The following FAM50A variants were observed in gnomAD, a reference collection of about 807,000 sequenced individuals.
The protein encoded by FAM50A is family with sequence similarity 50 member A, also known as protein FAM50A.
FAM50A carries 6 observed loss-of-function variants against 35.5 expected under a neutral mutation model. The ratio of observed to expected loss-of-function variants is 0.17; its 90% CI spans 0.09 to 0.33. FAM50A has a LOEUF of 0.33. Among genes scored for constraint, FAM50A ranks in the 10% least tolerant of loss-of-function variants. The pLI, the probability that FAM50A is intolerant of heterozygous loss-of-function variation, is 1.00. For missense variants in FAM50A, 145 were observed against 295.5 expected (o/e 0.49, Z 3.73); for synonymous variants, 120 against 110.9 (o/e 1.08, Z -0.52).
chrX:154,450,290 G>A lies in FAM50A; in HGVS notation c.982G>A (p.Asp328Asn). ...IFPASRWEPY[D>N]PEKKWDKYTI... ...TCCCGCCAGCCGCTGGGAACCCTAC[G>A]ACCCTGAAAAGAAGTGGGACAAGTA... The change falls in exon 12 of 13, where the codon GAC becomes AAC. Residue 328 changes from aspartate (D) to asparagine (N), a missense_variant. Asp to Asn is a conservative substitution (Grantham distance 23). Around this residue, in one of 5 missense-constraint regions of FAM50A, gnomAD observed 59 missense variants for 164.5 expected, o/e 0.36. Coordinates refer to ENST00000393600, the MANE Select transcript of FAM50A (RefSeq NM_004699.4). 1 of 1,211,001 alleles carries A rather than the reference G, an allele frequency of 8.3e-7. No individual in the cohort carries two copies. The highest frequency in any genetic ancestry group is 1.1e-6 in the Non-Finnish European group (1 of 894,944).
Position 154,450,578 on chromosome X carries a change from C to T in FAM50A, c.*146C>T. On this transcript the variant is annotated 3_prime_UTR_variant, in exon 13 of 13. Transcript: ENST00000393600. ...AGCTGCTCGTGTCCTGCCCCTGCCACATCAGTGACTGCTTTATTCTTTTCC... is the reference window on the plus strand; with the variant it reads ...AGCTGCTCGTGTCCTGCCCCTGCCATATCAGTGACTGCTTTATTCTTTTCC... 1 of 523,187 alleles carries T rather than the reference C, an allele frequency of 1.9e-6. No individual in the cohort carries two copies. Among genetic ancestry groups the T allele is most frequent in the Non-Finnish European group, 3.2e-6 (1 of 315,399 alleles). The allele number at this position is 523,187 out of a possible 1,213,427, so 43.1% of individuals were successfully genotyped here. A position where few individuals can be genotyped will look rare whatever the true frequency, so the allele number is the denominator to read the frequency against.
Position 154,448,072 on chromosome X carries a change from C to CTTTTTTTTTTTTTTTTTTTTTTTTTTTTT in FAM50A, c.443-398_443-397insTTTTTTTTTTTTTTTTTTTTTTTTTTTTT, listed in dbSNP as rs781847663. Among the ~76,000 whole-genome samples, 14 of 82,852 alleles carry CTTTTTTTTTTTTTTTTTTTTTTTTTTTTT rather than the reference C, an allele frequency of 1.7e-4. 2 individuals carry two copies. Among genetic ancestry groups the CTTTTTTTTTTTTTTTTTTTTTTTTTTTTT allele is most frequent in the African/African-American group, 6.1e-4 (11 of 18,022 alleles). The allele number at this position is 82,852 out of a possible 115,157, so 71.9% of individuals were successfully genotyped here. A position where few individuals can be genotyped will look rare whatever the true frequency, so the allele number is the denominator to read the frequency against. ...TGTTGTTCTTTTCTTTTTTTTCTTT[C>CTTTTTTTTTTTTTTTTTTTTTTTTTTTTT]TTTTTTTTTTTTTTGAGATGAGGTC... On this transcript the variant is annotated intron_variant, in intron 4 of 12. Coordinates refer to ENST00000393600, the MANE Select transcript of FAM50A (RefSeq NM_004699.4).
At position 154,446,521 on chromosome X, in the gene FAM50A, G is replaced by A; in HGVS notation, c.403G>A (p.Glu135Lys). The A allele has an allele frequency of 8.4e-7, 1 of 1,192,757 alleles. No individual in the cohort carries two copies. Among genetic ancestry groups the A allele is most frequent in the Non-Finnish European group, 1.1e-6 (1 of 882,363 alleles). Residue 135 changes from glutamate to lysine, a missense_variant, in exon 4 of 13, where the codon GAG becomes AAG. Coordinates refer to ENST00000393600, the MANE Select transcript of FAM50A (RefSeq NM_004699.4). ...EEEEEGGEEEEEAAMYEEEME... is the reference protein window; with the variant it reads ...EEEEEGGEEEKEAAMYEEEME... ...GGAAGAAGAGGGAGGCGAGGAGGAA[G>A]AGGAGGCGGCCATGTATGAGGAGGA... is the stretch of plus-strand genomic sequence containing the variant.
intron 7 of FAM50A, 133 bp from the exon 8 acceptor site, chrX:154,449,088 T>G: frequency 1.1e-6 from 1 of 881,806 alleles, no homozygotes; most frequent in Non-Finnish European, 1.6e-6. Context: ...CCTGGCCCCC[T>G]GTCTGGGGAG....
At chrX:154,449,162 T>C in intron 7 of FAM50A, 59 bp from the exon 8 acceptor site, 1 of 1,064,385 alleles carries the variant, frequency 9.4e-7, no homozygotes. Flanking sequence ...TCTGCCTTGT[T>C]GAGAGCCCTT....
Position 154,444,188 on chromosome X carries a change from TCGCCGCCGCCGCCGCCCGCCGCCGC to T in FAM50A, c.-31_-7del, listed in dbSNP as rs782467742. 281 of 507,782 alleles carry T rather than the reference TCGCCGCCGCCGCCGCCCGCCGCCGC, an allele frequency of 5.5e-4. 3 individuals are homozygous for T. Among genetic ancestry groups the T allele is most frequent in the South Asian group, 8.1e-4 (8 of 9,830 alleles). The allele number at this position is 507,782 out of a possible 1,213,427, so 41.8% of individuals were successfully genotyped here. Reference sequence around the variant, plus strand: ...GCCGCTGCCGCTGCCGCTGTCGCTGTCGCCGCCGCCGCCGCCCGCCGCCGCCGCCGCCGCCGCCGCCGCTGCCATG... The same window carrying T: ...GCCGCTGCCGCTGCCGCTGTCGCTGTCGCCGCCGCCGCCGCCGCTGCCATG... On this transcript the variant is annotated 5_prime_UTR_variant, in exon 1 of 13. Transcript: ENST00000393600.
chrX:154,446,886 G>T (rs935725815), intron 4 of FAM50A, among the ~76,000 whole-genome samples: 2 of 112,501 alleles, frequency 1.8e-5, no homozygotes, highest in African/African-American at 3.2e-5. Flanking sequence ...GAAATTCCGA[G>T]GCTACTAGTC....
chrX:154,446,959 G>A (rs1188955046), intron 4 of FAM50A, among the ~76,000 whole-genome samples: 1 of 112,701 alleles, frequency 8.9e-6, no homozygotes, highest in Non-Finnish European at 1.9e-5. Flanking sequence ...GATGGCTGGG[G>A]AGTGAGGGTA....
At position 154,446,542 on chromosome X, in the gene FAM50A, G is replaced by A; in HGVS notation, c.424G>A (p.Glu142Lys). 2 of 1,175,522 alleles carry A rather than the reference G, an allele frequency of 1.7e-6. No homozygotes were observed. The highest frequency in any genetic ancestry group is 1.1e-6 in the Non-Finnish European group (1 of 874,387). Residue 142 changes from glutamate (E) to lysine (K), a missense_variant, in exon 4 of 13, where the codon GAG becomes AAG. Physicochemically the swap from Glu to Lys is moderately conservative, Grantham distance 56 (BLOSUM62 1). Around this residue, in one of 5 missense-constraint regions of FAM50A, gnomAD observed 32 missense variants for 22.9 expected, o/e 1.40. Transcript: ENST00000393600. The stretch of plus-strand genomic sequence containing the variant: ...GGAAGAGGAGGCGGCCATGTATGAG[G>A]AGGAGATGGAAAGGGAAGGTGAGGG... ...EEEEEAAMYEEEMEREEITTK... is the reference protein window; with the variant it reads ...EEEEEAAMYEKEMEREEITTK...
At chrX:154,444,946 C>G (rs782080164) in intron 1 of FAM50A, 1 of 112,078 alleles carries the variant, frequency 8.9e-6, no homozygotes, top group African/African-American at 3.3e-5. Context: ...AGGGAAGGAG[C>G]GTGGAGGAGC....
At position 154,444,354 on chromosome X, in the gene FAM50A, C is replaced by G; in HGVS notation, c.111+8C>G. ...AAGCAGCGCATCGCGGAGGTGCGAG[C>G]CGGGGAGCCTCGGAGCATGCGCGCT... On this transcript the variant is annotated splice_region_variant and intron_variant, in intron 1 of 12. Coordinates refer to ENST00000393600, the MANE Select transcript of FAM50A (RefSeq NM_004699.4). 1 of 1,043,128 alleles carries G rather than the reference C, an allele frequency of 9.6e-7. No homozygotes were observed. The highest frequency in any genetic ancestry group is 1.3e-6 in the Non-Finnish European group (1 of 791,448). The allele number at this position is 1,043,128 out of a possible 1,213,427, so 86.0% of individuals were successfully genotyped here. A position where few individuals can be genotyped will look rare whatever the true frequency, so the allele number is the denominator to read the frequency against.
intron 1 of FAM50A, chrX:154,444,600 G>A (rs905826018): frequency 4.5e-5 from 8 of 177,856 alleles, no homozygotes; most frequent in Admixed American, 1.6e-4. Context: ...CGGCAGGAGG[G>A]AGCCGAGCCA....
chrX:154,450,537 C>A lies in FAM50A; in HGVS notation c.*105C>A. ...CTCCCCTGCGACCATGCCAGGCACGCTGGGAGGAGGACGGCAGCTGCTCGT... is the reference window on the plus strand; with the variant it reads ...CTCCCCTGCGACCATGCCAGGCACGATGGGAGGAGGACGGCAGCTGCTCGT... On this transcript the variant is annotated 3_prime_UTR_variant, in exon 13 of 13. Transcript: ENST00000393600. 1 of 852,790 alleles carries A rather than the reference C, an allele frequency of 1.2e-6. No individual in the cohort carries two copies. Among genetic ancestry groups the A allele is most frequent in the African/African-American group, 2.0e-5 (1 of 50,365 alleles). 70.3% of individuals were successfully genotyped at this position (852,790 alleles called of 1,213,427 possible).
rs2070645 is a variant in FAM50A at position 154,450,384 on chromosome X, G to T, written c.1012-40G>T. 7 of 1,208,516 alleles carry T rather than the reference G, an allele frequency of 5.8e-6. No individual in the cohort carries two copies. In the East Asian group the frequency reaches 8.9e-5, roughly 15 times the overall value. On this transcript the variant is annotated intron_variant, in intron 12 of 12. Transcript: ENST00000393600. ...GGCAGCCAGCCCCTGCTCACCCCTC[G>T]CCTTCCTTGTCTCCTCTGCCCACCT... is the stretch of plus-strand genomic sequence containing the variant.
Position 154,448,705 on chromosome X carries a change from C to G in FAM50A, c.535C>G (p.Leu179Val). ...CCTCTCCCAGGAGGAGGAGAATCGG[C>G]TTCGGGAAGAGCTGCGGCAGGAGTG... ...DRDREEEENRLREELRQEWEA... is the reference protein window; with the variant it reads ...DRDREEEENRVREELRQEWEA... The change falls in exon 6 of 13, where the codon CTT becomes GTT. Residue 179 changes from leucine (L) to valine (V), a missense_variant. Physicochemically the swap from Leu to Val is conservative, Grantham distance 32. Coordinates refer to ENST00000393600, the MANE Select transcript of FAM50A (RefSeq NM_004699.4). 2 of 1,210,441 alleles carry G rather than the reference C, an allele frequency of 1.7e-6. No individual in the cohort carries two copies. The highest frequency in any genetic ancestry group is 2.2e-6 in the Non-Finnish European group (2 of 895,081).
intron 4 of FAM50A, 138 bp from the exon 5 acceptor site, chrX:154,448,346 G>C (rs1385664211): frequency 4.0e-6 from 2 of 504,747 alleles, no homozygotes; most frequent in Non-Finnish European, 6.9e-6. Flanking sequence ...GGGTTGACAA[G>C]CGTGAGCCTC....
At chrX:154,446,631 A>C in intron 4 of FAM50A, 71 bp downstream of exon 4, 1 of 1,102,474 alleles carries the variant, frequency 9.1e-7, no homozygotes, top group Non-Finnish European at 1.2e-6. Flanking sequence ...AGAGGCTGTC[A>C]GCAAAGCTGA....
chrX:154,450,556 T>C lies in FAM50A; in HGVS notation c.*124T>C, dbSNP rs1367869961. 1.5e-6 allele frequency: 1 copy of C among 673,959 alleles called. No homozygotes were observed. The allele number at this position is 673,959 out of a possible 1,213,427, so 55.5% of individuals were successfully genotyped here. On this transcript the variant is annotated 3_prime_UTR_variant, in exon 13 of 13. Transcript: ENST00000393600. Reference sequence around the variant, plus strand: ...GGCACGCTGGGAGGAGGACGGCAGCTGCTCGTGTCCTGCCCCTGCCACATC... The same window carrying C: ...GGCACGCTGGGAGGAGGACGGCAGCCGCTCGTGTCCTGCCCCTGCCACATC...
At position 154,444,188 on chromosome X, in the gene FAM50A, T is replaced by TCGC. The variant is rs1163232366; in HGVS notation, c.-34_-32dup. On this transcript the variant is annotated 5_prime_UTR_variant, in exon 1 of 13. Coordinates refer to ENST00000393600, the MANE Select transcript of FAM50A (RefSeq NM_004699.4). ...GCCGCTGCCGCTGCCGCTGTCGCTG[T>TCGC]CGCCGCCGCCGCCGCCCGCCGCCGC... 4.3e-5 allele frequency: 22 copies of TCGC among 507,830 alleles called. No individual in the cohort carries two copies. Among genetic ancestry groups the TCGC allele is most frequent in the African/African-American group, 9.1e-5 (3 of 33,108 alleles). The allele number at this position is 507,830 out of a possible 1,213,427, so 41.9% of individuals were successfully genotyped here.
Sources: allele counts gnomAD v4.1 joint callset (sites outside exome capture counted in the v4.1 genomes callset), GRCh38; gene constraint gnomAD v4.1.1; regional missense constraint gnomAD v4.1.1; transcripts MANE v1.5; gene names NCBI Gene and HGNC (gene_info 2026-07-23, HGNC 2026-07-21).